UBE2E2: variants seen among roughly 807,000 people sequenced by gnomAD.
UBE2E2 encodes ubiquitin conjugating enzyme E2 E2.
UBE2E2 carries 6 observed loss-of-function variants against 24.7 expected under a neutral mutation model. The ratio of observed to expected loss-of-function variants is 0.24; its 90% confidence interval spans 0.13 to 0.48. The LOEUF (loss-of-function observed/expected upper bound fraction) is 0.48, where lower values mean the gene tolerates loss of function less well. Ranked by LOEUF, UBE2E2 falls within the 20% of genes least tolerant of loss-of-function variation. UBE2E2 has a pLI of 0.99. For missense variants in UBE2E2, 169 were observed against 245.0 expected (o/e 0.69, Z 2.07); for synonymous variants, 104 against 83.6 (o/e 1.24, Z -1.33).
chr3:23,203,140 G>A (rs529900971), upstream of UBE2E2: 174 of 984,628 alleles, frequency 1.8e-4, 1 homozygote, highest in African/African-American at 2.9e-3. Flanking sequence ...GGGCGGCGGC[G>A]GCTCCCGGAG....
intron 3 of UBE2E2, among the ~76,000 whole-genome samples, chr3:23,398,785 C>G (rs2125368672): frequency 6.6e-6 from 1 of 152,198 alleles, no homozygotes; most frequent in African/African-American, 2.4e-5. Flanking sequence ...GGGGATGCAT[C>G]TTATTTCTTT....
At chr3:23,449,046 A>G (rs998624412) in intron 3 of UBE2E2, among the ~76,000 whole-genome samples, 5 of 152,326 alleles carry the variant, frequency 3.3e-5, no homozygotes, top group Middle Eastern at 3.4e-3. Flanking sequence ...TAACAGCCCA[A>G]AGGTATACTA....
At chr3:23,296,103 C>CA (rs1698900794) in intron 3 of UBE2E2, among the ~76,000 whole-genome samples, 1 of 152,090 alleles carries the variant, frequency 6.6e-6, no homozygotes, top group African/African-American at 2.4e-5. Context: ...GTGACCTGGA[C>CA]AAAATCACAA....
At chr3:23,323,926 C>T (rs189778261) in intron 3 of UBE2E2, among the ~76,000 whole-genome samples, 87 of 152,136 alleles carry the variant, frequency 5.7e-4, no homozygotes, top group Non-Finnish European at 1.1e-3. Context: ...TTGTGATATA[C>T]CTCTTCACTT....
intron 5 of UBE2E2, among the ~76,000 whole-genome samples, chr3:23,570,572 A>G (rs1696196279): frequency 6.6e-6 from 1 of 152,214 alleles, no homozygotes; most frequent in Admixed American, 6.5e-5. Context: ...ATTATAAAAT[A>G]TACAGTACTC....
intron 3 of UBE2E2, among the ~76,000 whole-genome samples, chr3:23,358,644 T>G (rs541110496): frequency 4.2e-4 from 64 of 152,248 alleles, no homozygotes; most frequent in Non-Finnish European, 8.8e-4. Flanking sequence ...ATTATATGGT[T>G]AAAACAATCA....
At chr3:23,475,836 G>T (rs1258714740) in intron 3 of UBE2E2, among the ~76,000 whole-genome samples, 1 of 152,034 alleles carries the variant, frequency 6.6e-6, no homozygotes, top group Non-Finnish European at 1.5e-5. Context: ...GGTACATCAT[G>T]CCTGTGCAGT....
At chr3:23,239,852 A>G (rs771426388) in intron 3 of UBE2E2, among the ~76,000 whole-genome samples, 13 of 152,220 alleles carry the variant, frequency 8.5e-5, no homozygotes, top group South Asian at 4.1e-4. Context: ...CTTGATGTAC[A>G]GAATTACAGA....
At chr3:23,262,964 G>C (rs1697943359) in intron 3 of UBE2E2, among the ~76,000 whole-genome samples, 1 of 152,128 alleles carries the variant, frequency 6.6e-6, no homozygotes, top group Non-Finnish European at 1.5e-5. Flanking sequence ...AGCTCTTCTG[G>C]AATTTTGCCA....
chr3:23,500,105 G>A lies in UBE2E2; in HGVS notation c.360+365G>A, dbSNP rs575095669. Among the ~76,000 whole-genome samples the A allele has an allele frequency of 9.8e-5, 15 of 152,288 alleles. No individual in the cohort carries two copies. The East Asian group carries it at 2.1e-3, about 22-fold the overall frequency. ...GACGTAGCCTGGAGCCAGAGCCCAA[G>A]CAAGCTAAGCGCAAGAATCAGGCTA... On this transcript the variant is annotated intron_variant, in intron 4 of 5. Transcript: ENST00000396703.
intron 3 of UBE2E2, among the ~76,000 whole-genome samples, chr3:23,315,021 G>A (rs1694531539): frequency 6.6e-6 from 1 of 152,052 alleles, no homozygotes; most frequent in Non-Finnish European, 1.5e-5. Flanking sequence ...TTTGTTATTA[G>A]CCCTTTGAAT....
At chr3:23,469,309 A>G (rs58047209) in intron 3 of UBE2E2, among the ~76,000 whole-genome samples, 6,457 of 152,310 alleles carry the variant, frequency 0.042, 482 homozygotes, top group African/African-American at 0.15. Flanking sequence ...AACATTCTAC[A>G]TCAGTCATCT....
intron 2 of UBE2E2, among the ~76,000 whole-genome samples, chr3:23,213,620 A>G (rs1696388130): frequency 6.6e-6 from 1 of 152,144 alleles, no homozygotes; most frequent in South Asian, 2.1e-4. Flanking sequence ...AAAATTGGAA[A>G]TTTAGGTGAT....
At chr3:23,557,592 C>T (rs1215723918) in intron 5 of UBE2E2, among the ~76,000 whole-genome samples, 2 of 152,178 alleles carry the variant, frequency 1.3e-5, no homozygotes, top group African/African-American at 2.4e-5. Flanking sequence ...AAAACCCACA[C>T]CAGACGCAGT....
At chr3:23,348,394 A>G (rs1490243505) in intron 3 of UBE2E2, among the ~76,000 whole-genome samples, 1 of 151,498 alleles carries the variant, frequency 6.6e-6, no homozygotes, top group Non-Finnish European at 1.5e-5. Context: ...GCTTATTGCT[A>G]GGGTTACCAC....
At chr3:23,523,831 T>TC (rs1694924545) in intron 4 of UBE2E2, among the ~76,000 whole-genome samples, 3 of 151,964 alleles carry the variant, frequency 2.0e-5, no homozygotes, top group African/African-American at 7.2e-5. Flanking sequence ...GGGGATTTTT[T>TC]TTTTTTATGT....
intron 3 of UBE2E2, among the ~76,000 whole-genome samples, chr3:23,335,874 A>C (rs1363755078): frequency 6.6e-6 from 1 of 152,166 alleles, no homozygotes; most frequent in Non-Finnish European, 1.5e-5. Context: ...CACAAAACTT[A>C]CTACGAACAA....
intron 3 of UBE2E2, 81 bp from the exon 4 acceptor site, chr3:23,499,527 T>C: frequency 6.6e-7 from 1 of 1,514,108 alleles, no homozygotes; most frequent in East Asian, 2.3e-5. Flanking sequence ...AATTGCTCAA[T>C]TGGTTATCAT....
At chr3:23,350,160 C>A (rs1356403073) in intron 3 of UBE2E2, among the ~76,000 whole-genome samples, 1 of 152,190 alleles carries the variant, frequency 6.6e-6, no homozygotes, top group African/African-American at 2.4e-5. Context: ...CTCCAACAGA[C>A]CTGCAGCTGA....
Sources: allele counts gnomAD v4.1 joint callset (sites outside exome capture counted in the v4.1 genomes callset), GRCh38; gene constraint gnomAD v4.1.1; transcripts MANE v1.5; gene names NCBI Gene and HGNC (gene_info 2026-07-23, HGNC 2026-07-21).